The following USO1 variants were observed in gnomAD, a reference collection of about 807,000 sequenced individuals.
The protein encoded by USO1 is USO1 vesicle transport factor.
In USO1, 57 loss-of-function variants were observed where a neutral mutation model predicts 124.5. The ratio of observed to expected loss-of-function variants is 0.46; its 90% CI spans 0.37 to 0.57. The LOEUF is 0.57. Among genes scored for constraint, USO1 ranks in the 20% least tolerant of loss-of-function variants. The pLI, the probability that USO1 is intolerant of heterozygous loss-of-function variation, is 0.00. For synonymous variants in USO1, 369 were observed against 362.8 expected (o/e 1.02, Z -0.19); for missense variants, 900 against 1,040.6 (o/e 0.86, Z 1.86).
At chr4:75,737,716 A>G (rs1720834761) in intron 1 of USO1, among the ~76,000 whole-genome samples, 1 of 152,188 alleles carries the variant, frequency 6.6e-6, no homozygotes, top group African/African-American at 2.4e-5. Flanking sequence ...AGAACAGTGA[A>G]GAAAACATAG....
intron 1 of USO1, among the ~76,000 whole-genome samples, chr4:75,736,429 G>A (rs1177705156): frequency 7.0e-6 from 1 of 142,292 alleles, no homozygotes; most frequent in African/African-American, 2.6e-5. Context: ...GCAATTCTCT[G>A]CCTCCACCTC....
chr4:75,799,138 A>C (rs867123284), intron 13 of USO1, among the ~76,000 whole-genome samples: 2 of 152,196 alleles, frequency 1.3e-5, no homozygotes, highest in South Asian at 2.1e-4. Flanking sequence ...GAATTTGACT[A>C]AATGATTCAG....
chr4:75,810,438 T>G lies in USO1; in HGVS notation c.2482T>G (p.Ser828Ala), dbSNP rs370491383. ...LLQKTEAFAK[S>A]VEVQGETETI... ...TTCCAATTTCTAATTTCAGGCAAAA[T>G]CAGTTGAGGTACAAGGAGAGACCGA... The change falls in exon 22 of 24, where the codon TCA becomes GCA. Residue 828 changes from serine to alanine, a missense_variant. Physicochemically the swap from Ser to Ala is moderately conservative, Grantham distance 99 (BLOSUM62 1). This residue lies in a region of USO1 where 362 missense variants were observed against 359.0 expected (regional missense o/e 1.01). Coordinates refer to ENST00000514213, the MANE Select transcript of USO1 (RefSeq NM_003715.4). 2.5e-6 allele frequency: 4 copies of G among 1,605,722 alleles called. No homozygotes were observed. The highest frequency in any genetic ancestry group is 2.5e-6 in the Non-Finnish European group (3 of 1,177,516).
intron 1 of USO1, among the ~76,000 whole-genome samples, chr4:75,738,448 C>A (rs1307727413): frequency 6.7e-6 from 1 of 150,110 alleles, no homozygotes; most frequent in African/African-American, 2.5e-5. Flanking sequence ...CAGAGTGAGA[C>A]TTCGTCTCAA....
chr4:75,798,135 TTCTG>T (rs760298520), intron 13 of USO1, among the ~76,000 whole-genome samples: 10 of 152,238 alleles, frequency 6.6e-5, no homozygotes, highest in Non-Finnish European at 1.5e-4. Context: ...GAGTGTTTCA[TTCTG>T]TCTTTTAACT....
chr4:75,768,165 C>T (rs1336934657), intron 4 of USO1, among the ~76,000 whole-genome samples: 4 of 152,020 alleles, frequency 2.6e-5, no homozygotes, highest in Non-Finnish European at 4.4e-5. Context: ...TACAGGCATG[C>T]GCCACCAAGC....
chr4:75,803,064 G>T (rs1218950703), intron 17 of USO1, among the ~76,000 whole-genome samples: 1 of 125,074 alleles, frequency 8.0e-6, no homozygotes, highest in African/African-American at 2.9e-5. Context: ...TCCAGCCTGG[G>T]CAACAAGAGC....
chr4:75,733,733 A>G (rs1720705502), intron 1 of USO1, among the ~76,000 whole-genome samples: 1 of 152,096 alleles, frequency 6.6e-6, no homozygotes, highest in African/African-American at 2.4e-5. Flanking sequence ...TGTCAGATGC[A>G]TGGTTTGCAG....
At chr4:75,802,205 T>A (rs1235054059) in intron 17 of USO1, among the ~76,000 whole-genome samples, 3 of 152,226 alleles carry the variant, frequency 2.0e-5, no homozygotes, top group Non-Finnish European at 4.4e-5. Flanking sequence ...TAAAAGTAAA[T>A]CAATCAATAA....
chr4:75,803,189 T>C (rs1722902330), intron 17 of USO1, among the ~76,000 whole-genome samples: 1 of 151,690 alleles, frequency 6.6e-6, no homozygotes, highest in African/African-American at 2.4e-5. Context: ...TTGCATCTAC[T>C]TAATTAGATA....
At chr4:75,784,117 C>T (rs1419683943) in intron 9 of USO1, among the ~76,000 whole-genome samples, 2 of 152,202 alleles carry the variant, frequency 1.3e-5, no homozygotes, top group Non-Finnish European at 2.9e-5. Context: ...ACCTCCCTGG[C>T]TCAAGAAATC....
chr4:75,787,524 GTC>G (rs902089920), intron 10 of USO1, among the ~76,000 whole-genome samples: 55 of 152,186 alleles, frequency 3.6e-4, no homozygotes, highest in African/African-American at 1.3e-3. Context: ...AAGTGACTTA[GTC>G]TTACTCAACC....
At chr4:75,794,596 C>T (rs1210827363) in intron 13 of USO1, among the ~76,000 whole-genome samples, 1 of 152,226 alleles carries the variant, frequency 6.6e-6, no homozygotes, top group African/African-American at 2.4e-5. Context: ...ACTCTAAAGT[C>T]ATTGACGTTT....
In USO1 at chr4:75,770,523, T is replaced by G; in HGVS notation, c.380T>G (p.Leu127Arg). The change falls in exon 5 of 24, where the codon CTG becomes CGG. Residue 127 changes from leucine (L) to arginine (R), a missense_variant. This residue lies in a region of USO1 where 538 missense variants were observed against 681.6 expected (regional missense o/e 0.79). Coordinates refer to ENST00000514213, the MANE Select transcript of USO1 (RefSeq NM_003715.4). ...AAGCAGCAGGAAAATGTCACTCTTC[T>G]GTTATCTTTATTGGAGGTAAATAGG... is the stretch of plus-strand genomic sequence containing the variant. The part of the protein sequence containing the change: ...FIKQQENVTL[L>R]LSLLEEFDFH... The G allele has an allele frequency of 6.3e-7, 1 of 1,586,406 alleles. No homozygotes were observed. The highest frequency in any genetic ancestry group is 8.6e-7 in the Non-Finnish European group (1 of 1,165,802).
At chr4:75,777,814 C>T (rs534055241) in intron 8 of USO1, among the ~76,000 whole-genome samples, 52 of 152,290 alleles carry the variant, frequency 3.4e-4, no homozygotes, top group African/African-American at 1.3e-3. Context: ...AGTCTTATGA[C>T]TCAACAATCA....
intron 1 of USO1, among the ~76,000 whole-genome samples, chr4:75,743,008 A>G (rs12499723): frequency 1.4e-5 from 2 of 147,208 alleles, no homozygotes; most frequent in Non-Finnish European, 3.0e-5. Flanking sequence ...TTTTTGAGAC[A>G]GAGTCTCGCT....
chr4:75,786,892 T>TTAC (rs2149178305), intron 9 of USO1, among the ~76,000 whole-genome samples, 170 bp from the exon 10 acceptor site: 1 of 152,298 alleles, frequency 6.6e-6, no homozygotes, highest in African/African-American at 2.4e-5. Flanking sequence ...TAATGTAATA[T>TTAC]TACTATCACA....
chr4:75,787,982 A>C (rs895219744), intron 10 of USO1, among the ~76,000 whole-genome samples: 1 of 151,870 alleles, frequency 6.6e-6, no homozygotes, highest in African/African-American at 2.4e-5. Flanking sequence ...CATATACTTA[A>C]CACTTTGTTT....
chr4:75,799,011 G>C (rs1274721353), intron 13 of USO1, among the ~76,000 whole-genome samples: 3 of 152,070 alleles, frequency 2.0e-5, no homozygotes, highest in East Asian at 3.9e-4. Context: ...TAATGGTTTG[G>C]GGGCACTTGG....
Sources: gnomAD v4.1 joint callset for allele counts (sites outside exome capture counted in the v4.1 genomes callset) on GRCh38, gnomAD v4.1.1 for gene constraint, gnomAD v4.1.1 regional missense constraint, MANE v1.5 for transcripts, NCBI Gene and HGNC (gene_info 2026-07-23, HGNC 2026-07-21) for gene names.